TMEM117: variants seen among roughly 807,000 people sequenced by gnomAD.
The protein encoded by TMEM117 is transmembrane protein 117.
Under a neutral mutation model 52.4 loss-of-function variants are expected in TMEM117, and 27 were observed. That is an observed-to-expected ratio of 0.51 (90% CI 0.38 to 0.71). The LOEUF is 0.71. Among genes scored for constraint, TMEM117 ranks in the 30% least tolerant of loss-of-function variants. The pLI is 0.00. For synonymous variants in TMEM117, 215 were observed against 206.3 expected (o/e 1.04, Z -0.36); for missense variants, 556 against 630.5 (o/e 0.88, Z 1.26).
chr12:44,228,450 A>G (rs1446673050), intron 5 of TMEM117, among the ~76,000 whole-genome samples: 1 of 152,138 alleles, frequency 6.6e-6, no homozygotes, highest in East Asian at 1.9e-4. Context: ...CAGATAAAGT[A>G]CCTTCTGTCA....
At position 43,918,071 on chromosome 12, in the gene TMEM117, A is replaced by G. The variant is rs192214981; in HGVS notation, c.278-26139A>G. On this transcript the variant is annotated intron_variant, in intron 2 of 7. Coordinates refer to ENST00000266534, the MANE Select transcript of TMEM117 (RefSeq NM_032256.3). The stretch of plus-strand genomic sequence containing the variant: ...CGAGAACACTCTTATCATCAAGGAC[A>G]TAGCCTGAGATGGAACATAACTGTC... Among the ~76,000 whole-genome samples, 683 of 152,314 alleles carry G rather than the reference A, an allele frequency of 4.5e-3. 5 individuals are homozygous for G. The highest frequency in any genetic ancestry group is 0.016 in the African/African-American group (658 of 41,574).
downstream of TMEM117, among the ~76,000 whole-genome samples, chr12:44,390,436 C>T (rs745951446): frequency 2.1e-4 from 32 of 151,692 alleles, no homozygotes; most frequent in Non-Finnish European, 3.4e-4. Context: ...TATAGAATGA[C>T]GAAAGAAGTT....
the TMEM117 span, among the ~76,000 whole-genome samples, chr12:43,817,394 A>G: frequency 2.6e-5 from 4 of 152,244 alleles, no homozygotes; most frequent in Non-Finnish European, 5.9e-5. Context: ...ATGATTGAAA[A>G]GAATATATAC....
chr12:43,845,060 C>G (rs974649216), intron 2 of TMEM117, 132 bp downstream of exon 2: 9 of 1,023,086 alleles, frequency 8.8e-6, no homozygotes, highest in Non-Finnish European at 9.8e-6. Flanking sequence ...AGTTGTTATG[C>G]ATGGTTGTAA....
At chr12:43,876,423 T>C (rs544882052) in intron 2 of TMEM117, among the ~76,000 whole-genome samples, 1 of 152,296 alleles carries the variant, frequency 6.6e-6, no homozygotes, top group African/African-American at 2.4e-5. Flanking sequence ...CTTCAAGATG[T>C]CGTTTTCTAG....
intron 5 of TMEM117, among the ~76,000 whole-genome samples, chr12:44,249,569 T>C (rs897830240): frequency 2.0e-5 from 3 of 152,174 alleles, no homozygotes; most frequent in African/African-American, 7.2e-5. Context: ...GCTGGAGGCA[T>C]CACACTACCT....
chr12:44,227,410 TG>T (rs1429114504), intron 5 of TMEM117, among the ~76,000 whole-genome samples: 1 of 152,036 alleles, frequency 6.6e-6, no homozygotes, highest in Admixed American at 6.6e-5. Context: ...GCTGAAATCA[TG>T]CCACTGCACT....
chr12:44,200,968 A>G (rs75957397), intron 4 of TMEM117, among the ~76,000 whole-genome samples: 2,890 of 152,292 alleles, frequency 0.019, 76 homozygotes, highest in East Asian at 0.057. Flanking sequence ...TTTGTTACCA[A>G]GAAGAAAAAA....
intron 6 of TMEM117, among the ~76,000 whole-genome samples, chr12:44,363,339 G>T (rs566906153): frequency 6.6e-6 from 1 of 152,266 alleles, no homozygotes; most frequent in African/African-American, 2.4e-5. Flanking sequence ...GGAGATCATT[G>T]AATAGTGGTC....
chr12:43,862,271 C>G (rs1291080128), intron 2 of TMEM117, among the ~76,000 whole-genome samples: 2 of 152,184 alleles, frequency 1.3e-5, no homozygotes, highest in Non-Finnish European at 2.9e-5. Flanking sequence ...AGGATTCACA[C>G]CATTCTCCTG....
chr12:43,866,341 G>A (rs1943598708), intron 2 of TMEM117, among the ~76,000 whole-genome samples: 1 of 151,412 alleles, frequency 6.6e-6, no homozygotes, highest in Non-Finnish European at 1.5e-5. Flanking sequence ...GACACTTTCA[G>A]GCAGGAGGAT....
At chr12:44,289,893 T>G (rs1434153869) in intron 5 of TMEM117, among the ~76,000 whole-genome samples, 2 of 152,150 alleles carry the variant, frequency 1.3e-5, no homozygotes, top group African/African-American at 4.8e-5. Context: ...CCTTGTCTTT[T>G]TGATAATAAC....
At chr12:44,255,942 C>G (rs1950255208) in intron 5 of TMEM117, among the ~76,000 whole-genome samples, 1 of 151,920 alleles carries the variant, frequency 6.6e-6, no homozygotes, top group African/African-American at 2.4e-5. Flanking sequence ...TATTGTTGTT[C>G]AGTGAAGCAA....
intron 5 of TMEM117, among the ~76,000 whole-genome samples, chr12:44,286,770 A>G (rs1455329575): frequency 1.3e-5 from 2 of 152,220 alleles, no homozygotes; most frequent in African/African-American, 4.8e-5. Flanking sequence ...CATATATAAT[A>G]AACAATTGAG....
chr12:43,814,935 G>A, the TMEM117 span, among the ~76,000 whole-genome samples: 1 of 151,836 alleles, frequency 6.6e-6, no homozygotes, highest in Non-Finnish European at 1.5e-5. Context: ...AGTAGAGACG[G>A]GGTTTCACCA....
chr12:44,121,161 C>T (rs1244942749), intron 3 of TMEM117, among the ~76,000 whole-genome samples: 1 of 152,178 alleles, frequency 6.6e-6, no homozygotes, highest in Non-Finnish European at 1.5e-5. Flanking sequence ...AGACCTGCCT[C>T]CATGATTCCA....
rs1943226040 is a variant in TMEM117 at position 43,847,235 on chromosome 12, A to G, written c.277+2307A>G. ...GAAGGTTTCTGTGGTCTGGGACTTA[A>G]GACACAGGTAGAAATGGTGGCTTAG... On this transcript the variant is annotated intron_variant, in intron 2 of 7. Coordinates refer to ENST00000266534, the MANE Select transcript of TMEM117 (RefSeq NM_032256.3). Among the ~76,000 whole-genome samples, 4 of 152,342 alleles carry G rather than the reference A, an allele frequency of 2.6e-5. No individual in the cohort carries two copies. In the South Asian group the frequency reaches 8.3e-4, roughly 32 times the overall value.
intron 6 of TMEM117, among the ~76,000 whole-genome samples, chr12:44,339,294 G>A (rs896111908): frequency 2.0e-5 from 3 of 151,938 alleles, no homozygotes; most frequent in Admixed American, 6.6e-5. Flanking sequence ...CCTGGGAAAC[G>A]TGGTTTTTCA....
chr12:44,072,233 GGCAACATACAGCAT>G (rs1947313213), intron 3 of TMEM117, among the ~76,000 whole-genome samples: 1 of 152,036 alleles, frequency 6.6e-6, no homozygotes, highest in Non-Finnish European at 1.5e-5. Context: ...AAAATTAAGA[GGCAACATACAGCAT>G]GCTTTATTTA....
Sources: gnomAD v4.1 joint callset for allele counts (sites outside exome capture counted in the v4.1 genomes callset) on GRCh38, gnomAD v4.1.1 for gene constraint, MANE v1.5 for transcripts, NCBI Gene and HGNC (gene_info 2026-07-23, HGNC 2026-07-21) for gene names.